The following EPHA5 variants were observed in gnomAD, a reference collection of about 807,000 sequenced individuals.
The protein encoded by EPHA5 is ephrin type-A receptor 5.
A neutral mutation model predicts 105.0 loss-of-function variants in EPHA5; 60 were observed. The observed-to-expected ratio is 0.57, with a 90% confidence interval of 0.46 to 0.71. The LOEUF is 0.71. Ranked by LOEUF, EPHA5 falls within the 30% of genes least tolerant of loss-of-function variation. EPHA5 has a pLI of 0.00. For missense variants in EPHA5, 1,218 were observed against 1,274.7 expected (o/e 0.96, Z 0.68); for synonymous variants, 513 against 449.1 (o/e 1.14, Z -1.80).
rs150304656 is a variant in EPHA5, at chr4:65,422,110, C to T, written c.1403-1545G>A. Among the ~76,000 whole-genome samples the T allele has an allele frequency of 1.4e-3, 218 of 152,148 alleles. 1 individual carries two copies. Among genetic ancestry groups the T allele is most frequent in the African/African-American group, 4.8e-3 (198 of 41,550 alleles). ...CACTTTCAAACACTTAGTTAACAAA[C>T]GCCAGTGTTTTCCAAACTCAGTTCA... On this transcript the variant is annotated intron_variant, in intron 5 of 16. Transcript: ENST00000613740.
Position 65,377,772 on chromosome 4 carries a change from T to C in EPHA5, c.1794-10348A>G, listed in dbSNP as rs928711370. Among the ~76,000 whole-genome samples the C allele has an allele frequency of 2.6e-5, 4 of 151,954 alleles. No individual in the cohort carries two copies. The East Asian group carries it at 5.8e-4, about 22-fold the overall frequency. ...TATTCATAGTAATAAATCCAGGAAA[T>C]ACAAAGTAAACTATTTTATAAAATG... is the stretch of plus-strand genomic sequence containing the variant. On this transcript the variant is annotated intron_variant, in intron 8 of 16. Transcript: ENST00000613740.
chr4:65,544,444 G>A (rs913231366), intron 3 of EPHA5, among the ~76,000 whole-genome samples: 12 of 151,722 alleles, frequency 7.9e-5, no homozygotes, highest in African/African-American at 2.9e-4. Flanking sequence ...TTCAAAAGAA[G>A]ACATTTATGT....
chr4:65,389,909 C>G (rs1034974437), intron 8 of EPHA5, among the ~76,000 whole-genome samples: 3 of 151,822 alleles, frequency 2.0e-5, no homozygotes, highest in African/African-American at 7.3e-5. Context: ...ACAGGGAGGT[C>G]AAACCTTGCC....
At position 65,602,118 on chromosome 4, in the gene EPHA5, C is replaced by T. The variant is rs2149440773; in HGVS notation, c.433G>A (p.Gly145Arg). ...RDCNSLPGGL[G>R]TCKETFNMYY... ...ATATTAAAGGTTTCCTTACAGGTCC[C>T]CAGTCCTCCAGGAAGGCTGTTGCAG... Residue 145 changes from glycine (G) to arginine (R), a missense_variant, in exon 3 of 17, where the codon GGG (glycine) becomes AGG (arginine). By Grantham distance (125) the Gly-to-Arg change is moderately radical. Around this residue, in one of 3 missense-constraint regions of EPHA5, gnomAD observed 233 missense variants for 227.5 expected, o/e 1.02. Transcript: ENST00000613740. The T allele has an allele frequency of 1.2e-6, 2 of 1,614,050 alleles. No individual in the cohort carries two copies. The highest frequency in any genetic ancestry group is 1.7e-6 in the Non-Finnish European group (2 of 1,179,994).
chr4:65,330,265 A>G (rs1407806389), intron 16 of EPHA5, among the ~76,000 whole-genome samples: 1 of 151,504 alleles, frequency 6.6e-6, no homozygotes, highest in African/African-American at 2.4e-5. Flanking sequence ...ATGAGAAGAC[A>G]TAAGAGGTTA....
chr4:65,541,611 G>A (rs1213118534), intron 3 of EPHA5, among the ~76,000 whole-genome samples: 1 of 151,908 alleles, frequency 6.6e-6, no homozygotes, highest in Non-Finnish European at 1.5e-5. Context: ...CAAGTTCTTA[G>A]AGACCTACAA....
chr4:65,327,474 A>G (rs1720194141), intron 16 of EPHA5, among the ~76,000 whole-genome samples: 1 of 151,208 alleles, frequency 6.6e-6, no homozygotes, highest in South Asian at 2.1e-4. Flanking sequence ...CAAAACACTG[A>G]ATTTTAAGTA....
In EPHA5 at chr4:65,560,240, T is replaced by G. The variant is rs191334358; in HGVS notation, c.910+41401A>C. On this transcript the variant is annotated intron_variant, in intron 3 of 16. Coordinates refer to ENST00000613740, the MANE Select transcript of EPHA5 (RefSeq NM_001281766.3). The stretch of plus-strand genomic sequence containing the variant: ...ATATATTCACATAAGATTTTTCAAA[T>G]AAGGAATTTCTGAAGGAAAATTGAC... 2.1e-3 allele frequency among the ~76,000 whole-genome samples: 316 copies of G among 152,270 alleles called. 2 individuals are homozygous for G. The highest frequency in any genetic ancestry group is 7.3e-3 in the African/African-American group (302 of 41,568).
intron 2 of EPHA5, among the ~76,000 whole-genome samples, chr4:65,617,672 A>T (rs1745361910): frequency 6.6e-6 from 1 of 152,108 alleles, no homozygotes. Flanking sequence ...AATAACTGCC[A>T]CTAGAAGAAT....
chr4:65,377,123 A>G (rs1577958648), intron 8 of EPHA5: 2 of 1,485,928 alleles, frequency 1.3e-6, no homozygotes, highest in East Asian at 2.4e-5. Flanking sequence ...CAAATATAGC[A>G]TAAAGACACT....
chr4:65,409,346 A>AAAATAAAT (rs373265971), intron 7 of EPHA5, among the ~76,000 whole-genome samples: 5,221 of 134,202 alleles, frequency 0.039, 157 homozygotes, highest in African/African-American at 0.072. Context: ...ATAATAATAA[A>AAAATAAAT]AAATAAATAA....
In EPHA5 at chr4:65,490,464, A is replaced by G; in HGVS notation, c.1315T>C (p.Phe439Leu). 1 of 1,614,106 alleles carries G rather than the reference A, an allele frequency of 6.2e-7. No individual in the cohort carries two copies. Among genetic ancestry groups the G allele is most frequent in the Middle Eastern group, 1.6e-4 (1 of 6,062 alleles). Residue 439 changes from phenylalanine (F) to leucine (L), a missense_variant, in exon 5 of 17, where the codon TTT (phenylalanine) becomes CTT (leucine). Coordinates refer to ENST00000613740, the MANE Select transcript of EPHA5 (RefSeq NM_001281766.3). The part of the protein sequence containing the change: ...VDLLAHTNYT[F>L]EIEAVNGVSD... ...ACTCCATTCACTGCCTCAATCTCAA[A>G]GGTATAGTTTGTGTGAGCGAGTAGA...
intron 5 of EPHA5, among the ~76,000 whole-genome samples, chr4:65,440,583 G>A (rs1341743579): frequency 6.8e-6 from 1 of 148,016 alleles, no homozygotes; most frequent in Non-Finnish European, 1.5e-5. Context: ...AGTTATTTTC[G>A]ATTACTTCAT....
At chr4:65,512,481 G>A (rs1302979575) in intron 3 of EPHA5, among the ~76,000 whole-genome samples, 2 of 151,936 alleles carry the variant, frequency 1.3e-5, no homozygotes, top group East Asian at 1.9e-4. Flanking sequence ...ATGGTGAACC[G>A]CCATACTTTT....
chr4:65,574,613 C>T (rs373233942), intron 3 of EPHA5, among the ~76,000 whole-genome samples: 5,400 of 106,128 alleles, frequency 0.051, 110 homozygotes, highest in East Asian at 0.083. Flanking sequence ...TATATATATA[C>T]ATATATATAT....
At chr4:65,611,779 T>C (rs200344302) in intron 2 of EPHA5, among the ~76,000 whole-genome samples, 1 of 95,236 alleles carries the variant, frequency 1.1e-5, no homozygotes, top group African/African-American at 3.2e-5. Flanking sequence ...TTCCATCGCA[T>C]TTTTTTTTGT....
At chr4:65,348,508 G>A in intron 13 of EPHA5, among the ~76,000 whole-genome samples, 1 of 151,084 alleles carries the variant, frequency 6.6e-6, no homozygotes, top group African/African-American at 2.4e-5. Flanking sequence ...AAACCAATAA[G>A]GTATACTCTC....
At chr4:65,346,244 A>C (rs948764924) in intron 14 of EPHA5, among the ~76,000 whole-genome samples, 1 of 151,940 alleles carries the variant, frequency 6.6e-6, no homozygotes, top group African/African-American at 2.4e-5. Flanking sequence ...TCATTGTATA[A>C]GTAAGTACAT....
In EPHA5 at chr4:65,332,100, G is replaced by C. The variant is rs754158214; in HGVS notation, c.2818C>G (p.Pro940Ala). Residue 940 changes from proline (P) to alanine (A), a missense_variant, in exon 16 of 17, where the codon CCA (proline) becomes GCA (alanine). By Grantham distance (27) the Pro-to-Ala change is conservative. Around this residue, in one of 3 missense-constraint regions of EPHA5, gnomAD observed 971 missense variants for 1,013.5 expected, o/e 0.96. Coordinates refer to ENST00000613740, the MANE Select transcript of EPHA5 (RefSeq NM_001281766.3). ...GATCTGTAGGCCCCAGATCCTAGTG[G>C]GCTATGTTCTGCCAATAAATTAGAT... ...RVSNLLAEHS[P>A]LGSGAYRSVG... The C allele has an allele frequency of 8.7e-6, 14 of 1,605,682 alleles. No homozygotes were observed. The highest frequency in any genetic ancestry group is 1.2e-5 in the Non-Finnish European group (14 of 1,176,248).
Sources: gnomAD v4.1 joint callset for allele counts (sites outside exome capture counted in the v4.1 genomes callset) on GRCh38, gnomAD v4.1.1 for gene constraint, gnomAD v4.1.1 regional missense constraint, MANE v1.5 for transcripts, NCBI Gene and HGNC (gene_info 2026-07-23, HGNC 2026-07-21) for gene names.